PMM2: variants seen among roughly 807,000 people sequenced by gnomAD.
PMM2 encodes the protein mannose-6-phosphate isomerase.
A neutral mutation model predicts 33.2 loss-of-function variants in PMM2; 35 were observed. That is an observed-to-expected ratio of 1.06 (90% CI 0.81 to 1.40). The LOEUF (loss-of-function observed/expected upper bound fraction) is 1.40. PMM2 is among the 40% of genes most tolerant of loss of function. The pLI is 0.00. For synonymous variants in PMM2, 153 were observed against 114.7 expected (o/e 1.33, Z -2.13); for missense variants, 386 against 306.0 (o/e 1.26, Z -1.95).
chr16:8,817,506 C>T (rs2060714706), intron 7 of PMM2, among the ~76,000 whole-genome samples: 1 of 152,188 alleles, frequency 6.6e-6, no homozygotes, highest in African/African-American at 2.4e-5. Flanking sequence ...TTAGAAGCCT[C>T]AGTTGGGACT....
intron 7 of PMM2, chr16:8,832,789 T>A (rs2060818602): frequency 1.0e-6 from 1 of 985,258 alleles, no homozygotes; most frequent in African/African-American, 1.7e-5. Context: ...TGAGGCCCGC[T>A]GTGGCCCGGC....
At chr16:8,827,858 T>TATAA (rs2060783865) in intron 7 of PMM2, among the ~76,000 whole-genome samples, 1 of 92,906 alleles carries the variant, frequency 1.1e-5, no homozygotes, top group Non-Finnish European at 2.2e-5. Context: ...AATATATATG[T>TATAA]TATATATTAT....
intron 7 of PMM2, among the ~76,000 whole-genome samples, chr16:8,843,534 G>T (rs1001958420): frequency 1.3e-5 from 2 of 152,066 alleles, no homozygotes; most frequent in African/African-American, 2.4e-5. Context: ...CAGATTTCTG[G>T]CACGTGTAGC....
At chr16:8,821,354 T>C (rs766304492) in intron 7 of PMM2, among the ~76,000 whole-genome samples, 13 of 152,184 alleles carry the variant, frequency 8.5e-5, no homozygotes, top group Non-Finnish European at 1.6e-4. Context: ...ATGTTCCTGC[T>C]AGCCCACCTT....
intron 7 of PMM2, chr16:8,832,400 G>T: frequency 1.0e-6 from 1 of 985,398 alleles, no homozygotes; most frequent in Non-Finnish European, 1.2e-6. Flanking sequence ...GCTTTATTAA[G>T]TGTCAGCGAG....
chr16:8,815,957 GC>G (rs1234931845), intron 7 of PMM2, among the ~76,000 whole-genome samples: 2 of 149,758 alleles, frequency 1.3e-5, no homozygotes, highest in Non-Finnish European at 3.0e-5. Flanking sequence ...CAACTCAATG[GC>G]AAAAAAAAAA....
intron 7 of PMM2, among the ~76,000 whole-genome samples, chr16:8,820,415 G>A (rs7190961): frequency 0.42 from 63,126 of 149,386 alleles, 13,462 homozygotes; most frequent in Non-Finnish European, 0.46. Context: ...GTGCAGTGGC[G>A]CAATCTTGGT....
At chr16:8,843,116 T>C (rs1464649796) in intron 7 of PMM2, among the ~76,000 whole-genome samples, 1 of 151,490 alleles carries the variant, frequency 6.6e-6, no homozygotes, top group Non-Finnish European at 1.5e-5. Flanking sequence ...CTTCAAAGAG[T>C]AATGTCTAAG....
intron 7 of PMM2, among the ~76,000 whole-genome samples, chr16:8,835,818 T>C (rs1311024531): frequency 6.6e-6 from 1 of 151,600 alleles, no homozygotes; most frequent in East Asian, 1.9e-4. Flanking sequence ...TGGTAAGGGG[T>C]GCATGATTGG....
At chr16:8,834,130 C>T (rs1228959990) in intron 7 of PMM2, among the ~76,000 whole-genome samples, 2 of 152,248 alleles carry the variant, frequency 1.3e-5, no homozygotes, top group African/African-American at 2.4e-5. Flanking sequence ...ATGGGCTGTA[C>T]CTTGTAGCAT....
chr16:8,806,560 G>A (rs2141020147), intron 4 of PMM2, 153 bp downstream of exon 4: 3 of 675,216 alleles, frequency 4.4e-6, no homozygotes, highest in East Asian at 2.7e-5. Context: ...GGCAATTCTG[G>A]TTCAGAAAGC....
At chr16:8,835,926 G>A (rs926860306) in intron 7 of PMM2, among the ~76,000 whole-genome samples, 7 of 151,848 alleles carry the variant, frequency 4.6e-5, no homozygotes, top group African/African-American at 1.2e-4. Context: ...GAAGAAGGGC[G>A]GCAATGAGAT....
At chr16:8,803,485 G>A (rs2060627357) in intron 2 of PMM2, among the ~76,000 whole-genome samples, 1 of 152,152 alleles carries the variant, frequency 6.6e-6, no homozygotes, top group Admixed American at 6.5e-5. Context: ...CAGGCCAAAA[G>A]ACAGTTGAAG....
chr16:8,800,675 T>TA (rs202006606), intron 1 of PMM2, among the ~76,000 whole-genome samples: 1 of 151,310 alleles, frequency 6.6e-6, no homozygotes, highest in African/African-American at 2.4e-5. Context: ...CTTTTTTTTT[T>TA]TTTTTTGTTT....
intron 4 of PMM2, chr16:8,807,117 C>T (rs2060652180): frequency 6.6e-6 from 1 of 152,308 alleles, no homozygotes; most frequent in Non-Finnish European, 1.5e-5. Flanking sequence ...CTGCCTCAGC[C>T]TCTCGAGTAG....
chr16:8,798,062 C>T, intron 1 of PMM2, 114 bp downstream of exon 1: 3 of 983,130 alleles, frequency 3.1e-6, no homozygotes. Context: ...CCGCCTACGT[C>T]CTCACGGCGC....
In PMM2 at chr16:8,847,377, T is replaced by TA. The variant is rs34609525; in HGVS notation, c.640-331dup. Among the ~76,000 whole-genome samples the TA allele has an allele frequency of 0.16, 23,009 of 140,726 alleles. 1,950 individuals are homozygous for TA. The highest frequency in any genetic ancestry group is 0.24 in the East Asian group (1,155 of 4,786). The allele number at this position is 140,726 out of a possible 152,430, so 92.3% of individuals were successfully genotyped here. On this transcript the variant is annotated intron_variant, in intron 7 of 7. Coordinates refer to ENST00000268261, the MANE Select transcript of PMM2 (RefSeq NM_000303.3). ...CTTGTTAGAAAAGCGTAGGTACAGC[T>TA]AAAAAAAAAAAAAAAACTGATGGCT...
chr16:8,834,045 G>A (rs1463832784), intron 7 of PMM2, among the ~76,000 whole-genome samples: 1 of 152,026 alleles, frequency 6.6e-6, no homozygotes, highest in Non-Finnish European at 1.5e-5. Context: ...GTTTTGGGGG[G>A]CACAGTCTAA....
At chr16:8,799,289 C>T (rs776151238) in intron 1 of PMM2, among the ~76,000 whole-genome samples, 2 of 152,132 alleles carry the variant, frequency 1.3e-5, no homozygotes, top group African/African-American at 2.4e-5. Context: ...TTTTTCATAT[C>T]ACTGAACCCT....
Sources: allele counts gnomAD v4.1 joint callset (sites outside exome capture counted in the v4.1 genomes callset), GRCh38; gene constraint gnomAD v4.1.1; transcripts MANE v1.5; gene names NCBI Gene and HGNC (gene_info 2026-07-23, HGNC 2026-07-21).